Variants in NTNG1 observed in about 807,000 individuals in gnomAD.
NTNG1 encodes netrin G1.
NTNG1 carries 16 observed loss-of-function variants against 54.0 expected under a neutral mutation model. The ratio of observed to expected loss-of-function variants is 0.30; its 90% CI spans 0.20 to 0.45. NTNG1 has a LOEUF of 0.45. Ranked by LOEUF, NTNG1 falls within the 20% of genes least tolerant of loss-of-function variation. NTNG1 has a pLI of 1.00. For missense variants in NTNG1, 530 were observed against 678.7 expected, an observed-to-expected ratio of 0.78 and a Z score of 2.43; for synonymous variants, 255 against 263.1, an observed-to-expected ratio of 0.97 and a Z score of 0.30.
intron 3 of NTNG1, among the ~76,000 whole-genome samples, chr1:107,328,522 A>G (rs1253215206): frequency 6.6e-6 from 1 of 152,188 alleles, no homozygotes; most frequent in Admixed American, 6.6e-5. Context: ...AGGAGAAATT[A>G]GAAGTAAATG....
At chr1:107,203,588 G>A (rs1570839864) in intron 2 of NTNG1, among the ~76,000 whole-genome samples, 1 of 146,026 alleles carries the variant, frequency 6.8e-6, no homozygotes, top group Non-Finnish European at 1.5e-5. Flanking sequence ...GTGTGTGTGT[G>A]TGTATATATA....
At chr1:107,322,875 G>A (rs1258038298) in intron 2 of NTNG1, among the ~76,000 whole-genome samples, 1 of 151,944 alleles carries the variant, frequency 6.6e-6, no homozygotes, top group African/African-American at 2.4e-5. Context: ...TCCAAAACCT[G>A]TTGCCAACTT....
intron 6 of NTNG1, among the ~76,000 whole-genome samples, chr1:107,432,171 G>A (rs1446267176): frequency 6.6e-6 from 1 of 152,184 alleles, no homozygotes; most frequent in Non-Finnish European, 1.5e-5. Context: ...GTGTGCCATA[G>A]GTAAGTCATT....
intron 2 of NTNG1, among the ~76,000 whole-genome samples, chr1:107,301,110 A>G (rs1666285585): frequency 6.6e-6 from 1 of 152,208 alleles, no homozygotes; most frequent in Non-Finnish European, 1.5e-5. Flanking sequence ...TTCTATACAA[A>G]AGACTTATCT....
chr1:107,385,242 C>G (rs1196199546), intron 3 of NTNG1, among the ~76,000 whole-genome samples: 1 of 152,138 alleles, frequency 6.6e-6, no homozygotes, highest in Non-Finnish European at 1.5e-5. Context: ...CCCACTTTGA[C>G]ACACGTTCCC....
chr1:107,480,461 C>T (rs1301246595), intron 7 of NTNG1, 150 bp from the exon 8 acceptor site: 4 of 590,904 alleles, frequency 6.8e-6, no homozygotes, highest in Admixed American at 6.0e-5. Context: ...ATTGGAGTCA[C>T]GGGCTTCGTT....
chr1:107,470,753 G>A (rs571652600), intron 7 of NTNG1, among the ~76,000 whole-genome samples: 1 of 152,296 alleles, frequency 6.6e-6, no homozygotes, highest in Admixed American at 6.5e-5. Flanking sequence ...TGACTTCTCA[G>A]CACCATTTTT....
intron 7 of NTNG1, among the ~76,000 whole-genome samples, chr1:107,474,105 T>G (rs916371322): frequency 9.9e-5 from 15 of 152,224 alleles, no homozygotes; most frequent in Non-Finnish European, 7.3e-5. Flanking sequence ...CATATTTTAC[T>G]ATCACAAAAA....
chr1:107,273,554 T>C (rs1163159499), intron 2 of NTNG1, among the ~76,000 whole-genome samples: 4 of 152,200 alleles, frequency 2.6e-5, no homozygotes, highest in Admixed American at 2.6e-4. Context: ...ATGCTTGCTG[T>C]CTTTCCCAGC....
intron 2 of NTNG1, among the ~76,000 whole-genome samples, chr1:107,175,771 C>T (rs560122721): frequency 2.0e-5 from 3 of 152,252 alleles, no homozygotes; most frequent in African/African-American, 7.2e-5. Flanking sequence ...TATGGAAATT[C>T]TCTAGGACAC....
chr1:107,202,894 A>G (rs1658865952), intron 2 of NTNG1, among the ~76,000 whole-genome samples: 1 of 151,918 alleles, frequency 6.6e-6, no homozygotes, highest in Non-Finnish European at 1.5e-5. Flanking sequence ...GTAATAATAG[A>G]GTATGTAATA....
At chr1:107,480,386 C>T (rs562779838) in intron 7 of NTNG1, among the ~76,000 whole-genome samples, 1 of 152,012 alleles carries the variant, frequency 6.6e-6, no homozygotes, top group Admixed American at 6.5e-5. Flanking sequence ...AAGATTGCAG[C>T]AAAAATCTAT....
At chr1:107,294,664 C>A (rs968258789) in intron 2 of NTNG1, among the ~76,000 whole-genome samples, 1 of 152,086 alleles carries the variant, frequency 6.6e-6, no homozygotes, top group Admixed American at 6.6e-5. Context: ...ACAAATCAGG[C>A]AATCTAAAAA....
chr1:107,333,629 A>T (rs1668405918), intron 3 of NTNG1, among the ~76,000 whole-genome samples: 1 of 8,056 alleles, frequency 1.2e-4, no homozygotes, highest in African/African-American at 3.2e-4. Flanking sequence ...GAAATACATG[A>T]AAACATCGTG....
intron 2 of NTNG1, among the ~76,000 whole-genome samples, chr1:107,246,456 A>T (rs1362090798): frequency 6.6e-6 from 1 of 151,902 alleles, no homozygotes; most frequent in Non-Finnish European, 1.5e-5. Context: ...CTTAAATGCA[A>T]CTGTTTTTAA....
chr1:107,149,751 G>A (rs1438156947), intron 2 of NTNG1, among the ~76,000 whole-genome samples: 1 of 151,944 alleles, frequency 6.6e-6, no homozygotes, highest in Non-Finnish European at 1.5e-5. Context: ...AGTTCAGATG[G>A]TGAGTTCATT....
chr1:107,482,961 A>ATAATTT lies in NTNG1; in HGVS notation c.*2121_*2122insTAATTT, dbSNP rs1159364524. 2 of 152,220 alleles carry ATAATTT rather than the reference A, an allele frequency of 1.3e-5. No individual in the cohort carries two copies. Among genetic ancestry groups the ATAATTT allele is most frequent in the Non-Finnish European group, 2.9e-5 (2 of 68,042 alleles). 9.4% of individuals were successfully genotyped at this position (152,220 alleles called of 1,614,324 possible). The stretch of plus-strand genomic sequence containing the variant: ...TAAGAAATAAGGAAAGATGGAAATA[A>ATAATTT]ATTAGAGCTTAGGCTTAGTGCCAGA... On this transcript the variant is annotated 3_prime_UTR_variant, in exon 8 of 8. Transcript: ENST00000370068.
At chr1:107,343,718 G>A (rs527648219) in intron 3 of NTNG1, among the ~76,000 whole-genome samples, 1 of 152,202 alleles carries the variant, frequency 6.6e-6, no homozygotes, top group Non-Finnish European at 1.5e-5. Context: ...GGGCAGCCCT[G>A]CAGTGCAATA....
At chr1:107,421,899 A>G (rs984167508) in intron 5 of NTNG1, among the ~76,000 whole-genome samples, 1 of 151,974 alleles carries the variant, frequency 6.6e-6, no homozygotes, top group African/African-American at 2.4e-5. Flanking sequence ...TTGTTTTTTC[A>G]TAAAACACCT....
Sources: allele counts gnomAD v4.1 joint callset (sites outside exome capture counted in the v4.1 genomes callset), GRCh38; gene constraint gnomAD v4.1.1; transcripts MANE v1.5; gene names NCBI Gene and HGNC (gene_info 2026-07-23, HGNC 2026-07-21).